Variants in PPM1L observed in about 807,000 individuals in gnomAD.
PPM1L encodes protein phosphatase 1L.
A neutral mutation model predicts 31.4 loss-of-function variants in PPM1L; 13 were observed. The ratio of observed to expected loss-of-function variants is 0.41; its 90% CI spans 0.27 to 0.66. The LOEUF (loss-of-function observed/expected upper bound fraction) is 0.66. Among genes scored for constraint, PPM1L ranks in the 30% least tolerant of loss-of-function variants. The pLI is 0.29. For synonymous variants in PPM1L, 184 were observed against 175.4 expected, an observed-to-expected ratio of 1.05 and a Z score of -0.39; for missense variants, 326 against 453.7, an observed-to-expected ratio of 0.72 and a Z score of 2.56.
chr3:160,855,930 G>T (rs1338489916), intron 1 of PPM1L, among the ~76,000 whole-genome samples: 3 of 152,048 alleles, frequency 2.0e-5, no homozygotes, highest in Non-Finnish European at 4.4e-5. Context: ...GTTTATTAAG[G>T]AGTATTGGCT....
chr3:160,786,209 T>TATA (rs1560106787), intron 1 of PPM1L, among the ~76,000 whole-genome samples: 2 of 26,236 alleles, frequency 7.6e-5, no homozygotes, highest in Non-Finnish European at 1.1e-4. Context: ...ATATATATAT[T>TATA]TTTTTTTTTT....
At chr3:160,998,789 G>T (rs980990628) in intron 2 of PPM1L, among the ~76,000 whole-genome samples, 1 of 152,178 alleles carries the variant, frequency 6.6e-6, no homozygotes, top group Admixed American at 6.5e-5. Context: ...TAAGCACTGT[G>T]TGTGGAAAAT....
At chr3:160,977,856 GATAAA>G (rs781508199) in intron 2 of PPM1L, among the ~76,000 whole-genome samples, 4 of 152,222 alleles carry the variant, frequency 2.6e-5, no homozygotes, top group South Asian at 2.1e-4. Flanking sequence ...TGTTTTAATA[GATAAA>G]ATAAAAGTTT....
intron 1 of PPM1L, among the ~76,000 whole-genome samples, chr3:160,828,039 A>G (rs1258096232): frequency 6.6e-6 from 1 of 151,960 alleles, no homozygotes; most frequent in East Asian, 1.9e-4. Flanking sequence ...GAGAGTACCC[A>G]GCCTCCCTCA....
At chr3:160,808,657 C>T (rs1712716347) in intron 1 of PPM1L, among the ~76,000 whole-genome samples, 1 of 152,184 alleles carries the variant, frequency 6.6e-6, no homozygotes, top group African/African-American at 2.4e-5. Flanking sequence ...GCCTGGCTGT[C>T]ACCTTCAGGC....
chr3:160,863,507 CACTCAGT>C (rs1711976479), intron 1 of PPM1L, among the ~76,000 whole-genome samples: 1 of 152,174 alleles, frequency 6.6e-6, no homozygotes, highest in Non-Finnish European at 1.5e-5. Context: ...TTGTTGTCAT[CACTCAGT>C]GGTGAGAAGG....
intron 1 of PPM1L, among the ~76,000 whole-genome samples, chr3:160,853,100 T>A (rs1480363528): frequency 1.3e-5 from 2 of 152,202 alleles, no homozygotes; most frequent in Non-Finnish European, 2.9e-5. Flanking sequence ...GATGCCAGTC[T>A]CTGCCTCTGT....
intron 2 of PPM1L, among the ~76,000 whole-genome samples, chr3:161,029,057 CAG>C (rs1718487841): frequency 6.6e-6 from 1 of 152,170 alleles, no homozygotes; most frequent in Non-Finnish European, 1.5e-5. Context: ...GTTCTAGTGT[CAG>C]AGCCAGCACA....
At position 161,071,063 on chromosome 3, in the gene PPM1L, C is replaced by T. The variant is rs997059502; in HGVS notation, c.*1906C>T. ...TTAAGCATTTGCCTATGGGGAGACA[C>T]TGAATATGTGGATGTGTGTATTAAT... On this transcript the variant is annotated 3_prime_UTR_variant, in exon 4 of 4. Coordinates refer to ENST00000498165, the MANE Select transcript of PPM1L (RefSeq NM_139245.4). 2 of 152,208 alleles carry T rather than the reference C, an allele frequency of 1.3e-5. No individual in the cohort carries two copies. The highest frequency in any genetic ancestry group is 4.8e-5 in the African/African-American group (2 of 41,436). The allele number at this position is 152,208 out of a possible 1,614,324, so 9.4% of individuals were successfully genotyped here.
chr3:160,771,756 G>T (rs116585569), intron 1 of PPM1L, among the ~76,000 whole-genome samples: 2,519 of 151,860 alleles, frequency 0.017, 67 homozygotes, highest in African/African-American at 0.057. Context: ...AAAGCTTTAT[G>T]TTTAATCTAA....
intron 1 of PPM1L, among the ~76,000 whole-genome samples, chr3:160,944,811 C>CATATATGTTATATATAACATATATT (rs1559896916): frequency 1.4e-4 from 1 of 6,906 alleles, no homozygotes; most frequent in African/African-American, 3.4e-4. Context: ...ACATATATAA[C>CATATATGTTATATATAACATATATT]ATATATATGT....
chr3:160,871,612 T>C (rs16831552), intron 1 of PPM1L, among the ~76,000 whole-genome samples: 11,945 of 152,270 alleles, frequency 0.078, 603 homozygotes, highest in African/African-American at 0.13. Flanking sequence ...TCTTGAATCT[T>C]CCTTGGATAG....
chr3:161,003,337 C>T (rs1348927931), intron 2 of PPM1L, among the ~76,000 whole-genome samples: 12 of 151,202 alleles, frequency 7.9e-5, no homozygotes, highest in Non-Finnish European at 1.5e-4. Context: ...TTTTTGGTTC[C>T]ATATGAACTT....
In PPM1L at chr3:160,779,583, C is replaced by T. The variant is rs559995481; in HGVS notation, c.399+22876C>T. 8.5e-3 allele frequency among the ~76,000 whole-genome samples: 1,292 copies of T among 152,034 alleles called. 14 individuals carry two copies. The highest frequency in any genetic ancestry group is 0.03 in the African/African-American group (1,226 of 41,476). On this transcript the variant is annotated intron_variant, in intron 1 of 3. Coordinates refer to ENST00000498165, the MANE Select transcript of PPM1L (RefSeq NM_139245.4). Reference sequence around the variant, plus strand: ...TGTTGCCCAGGCTGGAGTGCAGTGGCACCATCTCGGCCCACTGCAACCTCT... The same window carrying T: ...TGTTGCCCAGGCTGGAGTGCAGTGGTACCATCTCGGCCCACTGCAACCTCT...
chr3:161,070,223 A>G lies in PPM1L; in HGVS notation c.*1066A>G, dbSNP rs1018114774. 4 of 152,252 alleles carry G rather than the reference A, an allele frequency of 2.6e-5. No individual in the cohort carries two copies. Among genetic ancestry groups the G allele is most frequent in the East Asian group, 1.9e-4 (1 of 5,194 alleles). The allele number at this position is 152,252 out of a possible 1,614,324, so 9.4% of individuals were successfully genotyped here. On this transcript the variant is annotated 3_prime_UTR_variant, in exon 4 of 4. Transcript: ENST00000498165. ...GCAGTGTTCTGAGAAGCAGCAGCCTATAACTGTATGTGTGTTCCTTGAAGC... is the reference window on the plus strand; with the variant it reads ...GCAGTGTTCTGAGAAGCAGCAGCCTGTAACTGTATGTGTGTTCCTTGAAGC...
chr3:160,943,102 T>G (rs1211739442), intron 1 of PPM1L, among the ~76,000 whole-genome samples: 5 of 152,166 alleles, frequency 3.3e-5, no homozygotes, highest in East Asian at 1.9e-4. Context: ...TAGATAATTG[T>G]GCATAAAGCA....
intron 1 of PPM1L, among the ~76,000 whole-genome samples, chr3:160,880,311 C>A (rs1712669935): frequency 6.6e-6 from 1 of 152,010 alleles, no homozygotes; most frequent in East Asian, 1.9e-4. Context: ...GATTCACAAC[C>A]AATTAAGTTA....
intron 2 of PPM1L, among the ~76,000 whole-genome samples, chr3:160,978,186 T>C (rs1716666876): frequency 1.3e-5 from 2 of 152,124 alleles, no homozygotes; most frequent in Non-Finnish European, 2.9e-5. Flanking sequence ...CCCAGACCAT[T>C]TAGCTACCAG....
chr3:160,962,078 T>G (rs1559904970), intron 2 of PPM1L, among the ~76,000 whole-genome samples, 168 bp downstream of exon 2: 3 of 152,086 alleles, frequency 2.0e-5, no homozygotes, highest in Non-Finnish European at 2.9e-5. Flanking sequence ...GGTCAGAAGA[T>G]TCCTAAAAAT....
Sources: gnomAD v4.1 joint callset for allele counts (sites outside exome capture counted in the v4.1 genomes callset) on GRCh38, gnomAD v4.1.1 for gene constraint, MANE v1.5 for transcripts, NCBI Gene and HGNC (gene_info 2026-07-23, HGNC 2026-07-21) for gene names.